RBM42: variants seen among roughly 807,000 people sequenced by gnomAD.
The protein encoded by RBM42 is RNA binding motif protein 42, also known as RNA-binding protein 42.
A neutral mutation model predicts 41.4 loss-of-function variants in RBM42; 21 were observed. The observed-to-expected ratio is 0.51, with a 90% CI of 0.36 to 0.73. The LOEUF (loss-of-function observed/expected upper bound fraction) is 0.73. Among genes scored for constraint, RBM42 ranks in the 30% least tolerant of loss-of-function variants. The pLI is 0.00. For synonymous variants in RBM42, 272 were observed against 271.2 expected (o/e 1.00, Z -0.03); for missense variants, 539 against 680.4 (o/e 0.79, Z 2.31).
In RBM42 at chr19:35,633,760, T is replaced by TGGC; in HGVS notation, c.768_770dup (p.Ala257dup). On this transcript the variant is annotated inframe_insertion, in exon 7 of 10. Coordinates refer to ENST00000262633, the MANE Select transcript of RBM42 (RefSeq NM_024321.5). Reference sequence around the variant, plus strand: ...CTGAAAGAGAAGGAAGAGGCAGTGGTGGCGGCGGCGGCTGGGCTGGAGGAG... The same window carrying TGGC: ...CTGAAAGAGAAGGAAGAGGCAGTGGTGGCGGCGGCGGCGGCTGGGCTGGAGGAG... The TGGC allele has an allele frequency of 8.0e-6, 12 of 1,496,198 alleles. No homozygotes were observed. Among genetic ancestry groups the TGGC allele is most frequent in the Non-Finnish European group, 9.7e-6 (11 of 1,129,222 alleles). 92.7% of individuals were successfully genotyped at this position (1,496,198 alleles called of 1,614,324 possible).
Position 35,629,632 on chromosome 19 carries a change from C to T in RBM42, c.241C>T (p.Pro81Ser), listed in dbSNP as rs1004731292. 13 of 1,614,198 alleles carry T rather than the reference C, an allele frequency of 8.1e-6. No individual in the cohort carries two copies. The highest frequency in any genetic ancestry group is 1.1e-5 in the Non-Finnish European group (13 of 1,180,028). ...TVEAMQVPAA[P>S]VIRPIIATNT... ...AGAAGCGATGCAGGTCCCAGCGGCT[C>T]CTGTGATCCGCCCAATTATCGCGAC... The change falls in exon 2 of 10, where the codon CCT (proline) becomes TCT (serine). Residue 81 changes from proline to serine, a missense_variant. Physicochemically the swap from Pro to Ser is moderately conservative, Grantham distance 74. Around this residue, in one of 2 missense-constraint regions of RBM42, gnomAD observed 429 missense variants for 488.9 expected, o/e 0.88. Transcript: ENST00000262633.
Position 35,633,849 on chromosome 19 carries a change from A to C in RBM42, c.847A>C (p.Ser283Arg). The change falls in exon 7 of 10, where the codon AGC (serine) becomes CGC (arginine). Residue 283 changes from serine (S) to arginine (R), a missense_variant. This residue lies in a region of RBM42 where 429 missense variants were observed against 488.9 expected (regional missense o/e 0.88). Transcript: ENST00000262633. ...APAGPAVIGPSLPLALAMPLP... is the reference protein window; with the variant it reads ...APAGPAVIGPRLPLALAMPLP... The stretch of plus-strand genomic sequence containing the variant: ...AGCTGGCCCTGCAGTCATTGGGCCC[A>C]GCCTGCCGCTGGCCCTGGCCATGCC... 1.3e-6 allele frequency: 2 copies of C among 1,568,618 alleles called. No homozygotes were observed. Among genetic ancestry groups the C allele is most frequent in the East Asian group, 2.3e-5 (1 of 42,826 alleles).
At chr19:35,634,181 A>C (rs1167535153) in intron 7 of RBM42, 75 bp from the exon 8 acceptor site, 9 of 1,568,680 alleles carry the variant, frequency 5.7e-6, no homozygotes, top group Non-Finnish European at 7.8e-6. Flanking sequence ...CTGTGGTGGC[A>C]GGAGGGCCGG....
chr19:35,631,371 A>G lies in RBM42; in HGVS notation c.408A>G (p.Pro136=). The G allele has an allele frequency of 6.2e-7, 1 of 1,614,242 alleles. No individual in the cohort carries two copies. The highest frequency in any genetic ancestry group is 1.7e-5 in the Admixed American group (1 of 60,026). Residue 136 remains proline, a synonymous_variant, in exon 4 of 10, where the codon CCA becomes CCG. Coordinates refer to ENST00000262633, the MANE Select transcript of RBM42 (RefSeq NM_024321.5). ...GPGDRSHLDS[P]EAREAMFLRR... ...GTGATCGGAGTCACCTGGACAGCCC[A>G]GAGGCTCGAGAAGCCATGTTCCTGC... is the stretch of plus-strand genomic sequence containing the variant.
chr19:35,629,657 C>T lies in RBM42; in HGVS notation c.266C>T (p.Thr89Ile). 6.2e-7 allele frequency: 1 copy of T among 1,614,170 alleles called. No homozygotes were observed. Among genetic ancestry groups the T allele is most frequent in the Admixed American group, 1.7e-5 (1 of 60,014 alleles). ...AAPVIRPIIA[T>I]NTYQQVQQTL... The stretch of plus-strand genomic sequence containing the variant: ...CCTGTGATCCGCCCAATTATCGCGA[C>T]CAACACATACCAGCAGGTACGGCTG... The change falls in exon 2 of 10, where the codon ACC becomes ATC. Residue 89 changes from threonine (T) to isoleucine (I), a missense_variant. Physicochemically the swap from Thr to Ile is moderately conservative, Grantham distance 89. Around this residue, in one of 2 missense-constraint regions of RBM42, gnomAD observed 429 missense variants for 488.9 expected, o/e 0.88. Coordinates refer to ENST00000262633, the MANE Select transcript of RBM42 (RefSeq NM_024321.5).
Position 35,633,048 on chromosome 19 carries a change from C to T in RBM42, c.509-29C>T, listed in dbSNP as rs753958545. ...CCCTGCCACATAACTCCCCCCAGGC[C>T]CTGGAACTCCCCACTAACACCCTGA... On this transcript the variant is annotated intron_variant, in intron 5 of 9. Transcript: ENST00000262633. The T allele has an allele frequency of 5.0e-6, 8 of 1,608,724 alleles. No individual in the cohort carries two copies. In the African/African-American group the frequency reaches 9.4e-5, roughly 19 times the overall value.
intron 8 of RBM42, among the ~76,000 whole-genome samples, chr19:35,636,407 G>A (rs1251300212): frequency 1.3e-5 from 2 of 152,146 alleles, no homozygotes; most frequent in Non-Finnish European, 2.9e-5. Flanking sequence ...TCATCCACCT[G>A]CCTCAGCCTC....
intron 8 of RBM42, among the ~76,000 whole-genome samples, chr19:35,636,151 T>G (rs956317936): frequency 2.4e-4 from 37 of 151,590 alleles, no homozygotes; most frequent in African/African-American, 8.7e-4. Flanking sequence ...GTTTCTTCTT[T>G]TGTTTTTTTT....
chr19:35,632,298 C>T (rs775224292), intron 4 of RBM42, among the ~76,000 whole-genome samples: 1 of 152,150 alleles, frequency 6.6e-6, no homozygotes, highest in South Asian at 2.1e-4. Flanking sequence ...ACACCCATGG[C>T]TCAGCCAAGA....
In RBM42 at chr19:35,633,920, C is replaced by T. The variant is rs147020112; in HGVS notation, c.918C>T (p.Arg306=). The T allele has an allele frequency of 1.4e-5, 22 of 1,590,128 alleles. No homozygotes were observed. In the Admixed American group the frequency reaches 1.6e-4, roughly 11 times the overall value. The part of the protein sequence containing the change: ...EPLPLPLEVV[R]GLLPPLRIPE... Reference sequence around the variant, plus strand: ...TGCCCCTCCCGTTGGAGGTCGTCCGCGGCCTCCTGCCCCCGCTGCGCATTC... The same window carrying T: ...TGCCCCTCCCGTTGGAGGTCGTCCGTGGCCTCCTGCCCCCGCTGCGCATTC... The change falls in exon 7 of 10, where the codon CGC becomes CGT. Residue 306 remains arginine (R), a synonymous_variant. Coordinates refer to ENST00000262633, the MANE Select transcript of RBM42 (RefSeq NM_024321.5).
intron 8 of RBM42, 65 bp downstream of exon 8, chr19:35,634,438 G>C (rs1241677031): frequency 8.4e-7 from 1 of 1,189,720 alleles, no homozygotes; most frequent in Non-Finnish European, 1.2e-6. Context: ...GCTGTCCTTG[G>C]GCTGCAGACT....
In RBM42 at chr19:35,634,028, G is replaced by A; in HGVS notation, c.1017+9G>A. ...GCCTCATGGCTCTTGAGGTAAGCAG[G>A]GAGCCTAGCGGTGAAGGGACAGAAG... On this transcript the variant is annotated intron_variant, in intron 7 of 9. Coordinates refer to ENST00000262633, the MANE Select transcript of RBM42 (RefSeq NM_024321.5). 1 of 1,486,124 alleles carries A rather than the reference G, an allele frequency of 6.7e-7. No individual in the cohort carries two copies. The highest frequency in any genetic ancestry group is 8.9e-7 in the Non-Finnish European group (1 of 1,122,846). 92.1% of individuals were successfully genotyped at this position (1,486,124 alleles called of 1,614,324 possible).
At position 35,634,011 on chromosome 19, in the gene RBM42, G is replaced by T; in HGVS notation, c.1009G>T (p.Ala337Ser). 6.6e-7 allele frequency: 1 copy of T among 1,506,152 alleles called. No individual in the cohort carries two copies. The allele number at this position is 1,506,152 out of a possible 1,614,324, so 93.3% of individuals were successfully genotyped here. The change falls in exon 7 of 10, where the codon GCT (alanine) becomes TCT (serine). Residue 337 changes from alanine (A) to serine (S), a missense_variant. This residue lies in a region of RBM42 where 429 missense variants were observed against 488.9 expected (regional missense o/e 0.88). Coordinates refer to ENST00000262633, the MANE Select transcript of RBM42 (RefSeq NM_024321.5). ...GCCAGAGCCACCCCCAGGCCTCATG[G>T]CTCTTGAGGTAAGCAGGGAGCCTAG... ...PRPEPPPGLM[A>S]LEVPEPLGED...
rs953258898 is a variant in RBM42, at chr19:35,637,630, C to T, written c.*76C>T. 29 of 1,134,286 alleles carry T rather than the reference C, an allele frequency of 2.6e-5. No individual in the cohort carries two copies. The African/African-American group carries it at 4.4e-4, about 17-fold the overall frequency. The allele number at this position is 1,134,286 out of a possible 1,614,324, so 70.3% of individuals were successfully genotyped here. On this transcript the variant is annotated 3_prime_UTR_variant, in exon 10 of 10. Coordinates refer to ENST00000262633, the MANE Select transcript of RBM42 (RefSeq NM_024321.5). This position sits in a 1 kb window ranked among gnomAD's most constrained non-coding sequence, Gnocchi z 7.0. ...TCAGTTCTCTTTGGAAAACCCCCAGCTGTCCACCCATCCCCTGCCCCAAAA... is the reference window on the plus strand; with the variant it reads ...TCAGTTCTCTTTGGAAAACCCCCAGTTGTCCACCCATCCCCTGCCCCAAAA...
In RBM42 at chr19:35,637,665, A is replaced by G. The variant is rs1967523694; in HGVS notation, c.*111A>G. 6.1e-6 allele frequency: 5 copies of G among 823,208 alleles called. No individual in the cohort carries two copies. The highest frequency in any genetic ancestry group is 9.7e-6 in the Non-Finnish European group (5 of 516,224). The allele number at this position is 823,208 out of a possible 1,614,324, so 51.0% of individuals were successfully genotyped here. On this transcript the variant is annotated 3_prime_UTR_variant, in exon 10 of 10. Coordinates refer to ENST00000262633, the MANE Select transcript of RBM42 (RefSeq NM_024321.5). This position sits in a 1 kb window ranked among gnomAD's most constrained non-coding sequence, Gnocchi z 7.0. ...ATCCCCTGCCCCAAAACCAGTTTCA[A>G]TAAATTTACGTTCATTTCCACCCCT...
chr19:35,633,857 G>A lies in RBM42; in HGVS notation c.855G>A (p.Pro285=), dbSNP rs369089656. ...AGPAVIGPSL[P]LALAMPLPEP... ...CTGCAGTCATTGGGCCCAGCCTGCC[G>A]CTGGCCCTGGCCATGCCATTGCCCG... The change falls in exon 7 of 10, where the codon CCG becomes CCA. Residue 285 remains proline (P), a synonymous_variant. Transcript: ENST00000262633. 97 of 1,577,134 alleles carry A rather than the reference G, an allele frequency of 6.2e-5. No individual in the cohort carries two copies. Among genetic ancestry groups the A allele is most frequent in the Admixed American group, 2.6e-4 (15 of 56,828 alleles).
chr19:35,633,985 G>C lies in RBM42; in HGVS notation c.983G>C (p.Arg328Pro). 6.5e-7 allele frequency: 1 copy of C among 1,532,574 alleles called. No individual in the cohort carries two copies. Among genetic ancestry groups the C allele is most frequent in the Admixed American group, 2.0e-5 (1 of 50,384 alleles). The allele number at this position is 1,532,574 out of a possible 1,614,324, so 94.9% of individuals were successfully genotyped here. A position where few individuals can be genotyped will look rare whatever the true frequency, so the allele number is the denominator to read the frequency against. ...CTGCGTCCTCGGCCCCGGCCCCCTC[G>C]GCCAGAGCCACCCCCAGGCCTCATG... ...LSLRPRPRPP[R>P]PEPPPGLMAL... Residue 328 changes from arginine (R) to proline (P), a missense_variant, in exon 7 of 10, where the codon CGG becomes CCG. By Grantham distance (103) the Arg-to-Pro change is moderately radical. This residue lies in a region of RBM42 where 429 missense variants were observed against 488.9 expected (regional missense o/e 0.88). Coordinates refer to ENST00000262633, the MANE Select transcript of RBM42 (RefSeq NM_024321.5).
chr19:35,631,279 A>C, intron 3 of RBM42, 52 bp from the exon 4 acceptor site: 2 of 1,611,770 alleles, frequency 1.2e-6, no homozygotes, highest in Non-Finnish European at 1.7e-6. Context: ...GGTGGTAAAA[A>C]GGTGTGCACA....
In RBM42 at chr19:35,637,385, C is replaced by A. The variant is rs368312075; in HGVS notation, c.1330+33C>A. ...CGGCCTCCCCTGGGAACTGCAGGCG[C>A]GGCAGGCGCTGGCCTAAGCCTGACC... On this transcript the variant is annotated intron_variant, in intron 9 of 9. Transcript: ENST00000262633. The surrounding 1 kb of genome is among the most constrained non-coding windows in gnomAD (Gnocchi z 7.0). 6.2e-7 allele frequency: 1 copy of A among 1,613,300 alleles called. No homozygotes were observed. The highest frequency in any genetic ancestry group is 8.5e-7 in the Non-Finnish European group (1 of 1,179,412).
Sources: gnomAD v4.1 joint callset for allele counts (sites outside exome capture counted in the v4.1 genomes callset) on GRCh38, gnomAD v4.1.1 for gene constraint, gnomAD v4.1.1 regional missense constraint, Gnocchi (gnomAD v3.1) non-coding constraint, MANE v1.5 for transcripts, NCBI Gene and HGNC (gene_info 2026-07-23, HGNC 2026-07-21) for gene names.